The following FAM91A1 variants were observed in gnomAD, a reference collection of about 807,000 sequenced individuals.
FAM91A1 encodes the protein protein FAM91A1.
Under a neutral mutation model 113.5 loss-of-function variants are expected in FAM91A1, and 41 were observed. The ratio of observed to expected loss-of-function variants is 0.36; its 90% CI spans 0.28 to 0.47. The LOEUF is 0.47. Among genes scored for constraint, FAM91A1 ranks in the 20% least tolerant of loss-of-function variants. The probability of loss-of-function intolerance (pLI) is 1.00; values close to 1 mark genes in which losing one functional copy is unlikely to be tolerated. For synonymous variants in FAM91A1, 307 were observed against 347.9 expected, an observed-to-expected ratio of 0.88 and a Z score of 1.31; for missense variants, 696 against 1,001.2, an observed-to-expected ratio of 0.70 and a Z score of 4.11.
chr8:123,802,717 G>C (rs547626262), intron 18 of FAM91A1, among the ~76,000 whole-genome samples: 52 of 152,306 alleles, frequency 3.4e-4, no homozygotes, highest in African/African-American at 1.2e-3. Context: ...GGTCGTGGGA[G>C]ATAGCATCAT....
chr8:123,780,443 G>T, intron 7 of FAM91A1, 37 bp from the exon 8 acceptor site: 2 of 1,483,072 alleles, frequency 1.3e-6, no homozygotes, highest in Non-Finnish European at 1.9e-6. Context: ...CTGTTGTGTA[G>T]TGTTCCATCT....
intron 11 of FAM91A1, chr8:123,785,980 G>A (rs920186418): frequency 6.6e-6 from 3 of 456,256 alleles, no homozygotes; most frequent in East Asian, 6.5e-5. Flanking sequence ...ACCATGCCCA[G>A]CTAATTTTTT....
intron 6 of FAM91A1, 91 bp from the exon 7 acceptor site, chr8:123,779,894 A>G (rs1357132845): frequency 3.0e-6 from 3 of 1,008,012 alleles, no homozygotes; most frequent in Non-Finnish European, 4.5e-6. Context: ...AATGACATGT[A>G]ATCACTGGTT....
intron 1 of FAM91A1, among the ~76,000 whole-genome samples, chr8:123,768,978 A>G (rs1184745585): frequency 6.6e-6 from 1 of 152,174 alleles, no homozygotes; most frequent in Non-Finnish European, 1.5e-5. Context: ...GGCGATCGCT[A>G]AATGGGATGG....
intron 8 of FAM91A1, 136 bp downstream of exon 8, chr8:123,780,678 G>A (rs1055935113): frequency 1.1e-5 from 7 of 628,670 alleles, no homozygotes; most frequent in Non-Finnish European, 1.8e-5. Flanking sequence ...TTTTAACATA[G>A]TACATTGGTT....
intron 16 of FAM91A1, among the ~76,000 whole-genome samples, chr8:123,798,787 T>G (rs368756680): frequency 1.3e-3 from 203 of 152,340 alleles, no homozygotes; most frequent in African/African-American, 4.6e-3. Flanking sequence ...TGCTGCATCT[T>G]ACCTGGGTTC....
At chr8:123,791,797 A>C (rs1391328688) in intron 15 of FAM91A1, among the ~76,000 whole-genome samples, 1 of 152,222 alleles carries the variant, frequency 6.6e-6, no homozygotes, top group Non-Finnish European at 1.5e-5. Context: ...ATCTTAGGGC[A>C]TTAAGGCTTC....
chr8:123,784,761 A>G, intron 9 of FAM91A1, 185 bp downstream of exon 9: 1 of 441,860 alleles, frequency 2.3e-6, no homozygotes, highest in Non-Finnish European at 3.8e-6. Context: ...TAAGTTAATA[A>G]TTTATAGTTT....
At chr8:123,770,696 A>G (rs564257114) in intron 1 of FAM91A1, among the ~76,000 whole-genome samples, 42 of 152,350 alleles carry the variant, frequency 2.8e-4, no homozygotes, top group Non-Finnish European at 4.1e-4. Flanking sequence ...TTTGACTTTA[A>G]TTAGTATTGG....
Position 123,774,476 on chromosome 8 carries a change from T to G in FAM91A1, c.157+312T>G, listed in dbSNP as rs1814931301. 2.6e-5 allele frequency among the ~76,000 whole-genome samples: 4 copies of G among 152,256 alleles called. No individual in the cohort carries two copies. The South Asian group carries it at 8.3e-4, about 32-fold the overall frequency. On this transcript the variant is annotated intron_variant, in intron 2 of 23. Transcript: ENST00000334705. ...CATAAAAGAAAAAGTATATTAGTTC[T>G]TAGTAATTTTTGACTTTGGGTTGTC...
At chr8:123,801,574 G>T (rs780502368) in intron 18 of FAM91A1, among the ~76,000 whole-genome samples, 5 of 152,158 alleles carry the variant, frequency 3.3e-5, no homozygotes, top group Non-Finnish European at 7.4e-5. Flanking sequence ...CATCTTCAAG[G>T]AATTTAAGGA....
chr8:123,777,976 G>C, intron 4 of FAM91A1, 49 bp from the exon 5 acceptor site: 1 of 1,498,442 alleles, frequency 6.7e-7, no homozygotes. Context: ...AACATATTGA[G>C]ATTTCAAGAT....
At chr8:123,790,018 A>G (rs1229458234) in intron 15 of FAM91A1, among the ~76,000 whole-genome samples, 2 of 152,172 alleles carry the variant, frequency 1.3e-5, no homozygotes, top group African/African-American at 2.4e-5. Flanking sequence ...AAGTAGCTGG[A>G]TGGAATTTAG....
chr8:123,776,906 G>T (rs888190719), intron 3 of FAM91A1, among the ~76,000 whole-genome samples: 3 of 152,180 alleles, frequency 2.0e-5, no homozygotes, highest in African/African-American at 7.2e-5. Flanking sequence ...ACATTATTTG[G>T]CTTTCTCTCA....
intron 1 of FAM91A1, among the ~76,000 whole-genome samples, chr8:123,770,630 A>G (rs1385187342): frequency 1.3e-5 from 2 of 152,246 alleles, no homozygotes; most frequent in Non-Finnish European, 2.9e-5. Flanking sequence ...TTTCATCAGA[A>G]TAAATGTAGC....
intron 16 of FAM91A1, among the ~76,000 whole-genome samples, chr8:123,799,125 C>T (rs1486906418): frequency 1.3e-5 from 2 of 152,116 alleles, no homozygotes; most frequent in Non-Finnish European, 2.9e-5. Flanking sequence ...ACTTTAATAT[C>T]GAGCTTATTA....
intron 3 of FAM91A1, 95 bp from the exon 4 acceptor site, chr8:123,777,170 A>G: frequency 1.2e-6 from 1 of 863,252 alleles, no homozygotes; most frequent in East Asian, 2.8e-5. Context: ...TTCCTGTAAT[A>G]ATCATTGTTA....
intron 2 of FAM91A1, 73 bp downstream of exon 2, chr8:123,774,237 A>C (rs572089352): frequency 5.5e-5 from 67 of 1,212,160 alleles, no homozygotes; most frequent in Non-Finnish European, 7.8e-5. Flanking sequence ...TTTCTTTTCA[A>C]TACATATTTC....
At chr8:123,784,710 TGTC>T (rs1320179756) in intron 9 of FAM91A1, 134 bp downstream of exon 9, 2 of 526,824 alleles carry the variant, frequency 3.8e-6, no homozygotes, top group Admixed American at 4.0e-5. Context: ...TACACTTAAA[TGTC>T]ATTATTCTTA....
Sources: allele counts gnomAD v4.1 joint callset (sites outside exome capture counted in the v4.1 genomes callset), GRCh38; gene constraint gnomAD v4.1.1; transcripts MANE v1.5; gene names NCBI Gene and HGNC (gene_info 2026-07-23, HGNC 2026-07-21).